Variants in RUNDC3B observed in about 807,000 individuals in gnomAD.
RUNDC3B encodes RUN domain containing 3B, also known as RUN domain-containing protein 3B.
A neutral mutation model predicts 58.4 loss-of-function variants in RUNDC3B; 33 were observed. That is an observed-to-expected ratio of 0.56 (90% confidence interval 0.43 to 0.75). The LOEUF (loss-of-function observed/expected upper bound fraction) is 0.75, where lower values mean the gene tolerates loss of function less well. Ranked by LOEUF, RUNDC3B falls within the 30% of genes least tolerant of loss-of-function variation. The pLI, the probability that RUNDC3B is intolerant of heterozygous loss-of-function variation, is 0.00. For missense variants in RUNDC3B, 501 were observed against 535.7 expected, an observed-to-expected ratio of 0.94 and a Z score of 0.64; for synonymous variants, 193 against 195.2, an observed-to-expected ratio of 0.99 and a Z score of 0.10.
intron 8 of RUNDC3B, among the ~76,000 whole-genome samples, chr7:87,803,444 C>T (rs73706927): frequency 0.015 from 2,260 of 152,188 alleles, 64 homozygotes; most frequent in African/African-American, 0.051. Flanking sequence ...CTGACACATA[C>T]GTCAACATAA....
intron 6 of RUNDC3B, among the ~76,000 whole-genome samples, chr7:87,750,254 A>G (rs1584096307): frequency 6.6e-6 from 1 of 152,178 alleles, no homozygotes; most frequent in East Asian, 1.9e-4. Flanking sequence ...TATATGTGCC[A>G]CATTTTCTTA....
chr7:87,829,870 A>G lies in RUNDC3B; in HGVS notation c.1226-15A>G. Reference sequence around the variant, plus strand: ...AAGGGCAATTAATTATTTGCTATTTAATTCTAATTTTCAGGTAAGGAAGAT... The same window carrying G: ...AAGGGCAATTAATTATTTGCTATTTGATTCTAATTTTCAGGTAAGGAAGAT... On this transcript the variant is annotated splice_polypyrimidine_tract_variant and intron_variant, in intron 10 of 10. Transcript: ENST00000394654. 1 of 1,567,846 alleles carries G rather than the reference A, an allele frequency of 6.4e-7. No individual in the cohort carries two copies. Among genetic ancestry groups the G allele is most frequent in the Non-Finnish European group, 8.7e-7 (1 of 1,150,448 alleles).
intron 2 of RUNDC3B, among the ~76,000 whole-genome samples, chr7:87,690,720 G>GT (rs1396770988): frequency 1.3e-4 from 20 of 152,208 alleles, no homozygotes; most frequent in African/African-American, 4.8e-4. Flanking sequence ...AACAGTATTA[G>GT]TAATAGAATA....
At chr7:87,707,516 A>T (rs1585160457) in intron 3 of RUNDC3B, among the ~76,000 whole-genome samples, 1 of 152,010 alleles carries the variant, frequency 6.6e-6, no homozygotes, top group African/African-American at 2.4e-5. Flanking sequence ...TCCACAAAAA[A>T]TACAAAAATT....
chr7:87,740,903 T>C (rs931224747), intron 5 of RUNDC3B, among the ~76,000 whole-genome samples: 22 of 152,116 alleles, frequency 1.4e-4, no homozygotes, highest in Admixed American at 1.2e-3. Flanking sequence ...TTTGTTGTTT[T>C]ATTGTTTTAA....
intron 2 of RUNDC3B, among the ~76,000 whole-genome samples, chr7:87,678,976 G>A (rs560003163): frequency 2.6e-5 from 4 of 151,802 alleles, no homozygotes; most frequent in Admixed American, 6.6e-5. Context: ...ATTATACTTA[G>A]CAATGTCAAC....
chr7:87,726,069 T>G (rs1010208585), intron 4 of RUNDC3B, among the ~76,000 whole-genome samples: 3 of 101,090 alleles, frequency 3.0e-5, no homozygotes, highest in Non-Finnish European at 5.9e-5. Flanking sequence ...ATAGTTTCTT[T>G]TGCTGTGCAG....
intron 2 of RUNDC3B, among the ~76,000 whole-genome samples, chr7:87,699,302 G>GTCATA (rs1228145573): frequency 6.6e-6 from 1 of 152,144 alleles, no homozygotes; most frequent in Non-Finnish European, 1.5e-5. Flanking sequence ...GGGAAGACTA[G>GTCATA]TCATACTAGA....
chr7:87,780,346 G>T (rs1469932089), intron 8 of RUNDC3B, among the ~76,000 whole-genome samples: 1 of 151,954 alleles, frequency 6.6e-6, no homozygotes, highest in Non-Finnish European at 1.5e-5. Context: ...GTTTTGATTT[G>T]CATTTGTCTA....
intron 2 of RUNDC3B, among the ~76,000 whole-genome samples, chr7:87,673,649 T>C (rs1826048429): frequency 6.6e-6 from 1 of 152,252 alleles, no homozygotes; most frequent in South Asian, 2.1e-4. Context: ...GATTGAGCTT[T>C]GACATTCTGT....
At chr7:87,787,524 C>T (rs7793933) in intron 8 of RUNDC3B, among the ~76,000 whole-genome samples, 97,072 of 151,994 alleles carry the variant, frequency 0.64, 33,362 homozygotes, top group African/African-American at 0.91. Context: ...ACTATTAAAA[C>T]GCTTTTTGAT....
chr7:87,628,594 T>C lies in RUNDC3B; in HGVS notation c.-230T>C, dbSNP rs1396430607. The C allele has an allele frequency of 0.037, 5,410 of 148,164 alleles. 51 individuals are homozygous for C. The highest frequency in any genetic ancestry group is 0.068 in the Middle Eastern group (30 of 438). The allele number at this position is 148,164 out of a possible 1,614,324, so 9.2% of individuals were successfully genotyped here. On this transcript the variant is annotated 5_prime_UTR_variant, in exon 1 of 11. Transcript: ENST00000394654. ...GGTGGTGCGTGCGTGCGTGTGTGTG[T>C]GTGTGTGTGTGTGTGTGTGTGTGTG...
At chr7:87,815,145 T>C (rs1472666414) in intron 9 of RUNDC3B, among the ~76,000 whole-genome samples, 1 of 152,106 alleles carries the variant, frequency 6.6e-6, no homozygotes, top group Non-Finnish European at 1.5e-5. Context: ...AGACTACATA[T>C]AAGCATTCAA....
chr7:87,691,744 G>A (rs1368045209), intron 2 of RUNDC3B, among the ~76,000 whole-genome samples: 1 of 151,984 alleles, frequency 6.6e-6, no homozygotes, highest in Non-Finnish European at 1.5e-5. Flanking sequence ...TTCTTTCTGG[G>A]GTTGTCAGTG....
At chr7:87,703,389 G>C (rs2130708027) in intron 3 of RUNDC3B, among the ~76,000 whole-genome samples, 1 of 152,192 alleles carries the variant, frequency 6.6e-6, no homozygotes, top group Middle Eastern at 3.4e-3. Flanking sequence ...GACATAATTA[G>C]AAACACAGGT....
intron 1 of RUNDC3B, among the ~76,000 whole-genome samples, chr7:87,645,568 T>C (rs1271391908): frequency 6.6e-6 from 1 of 152,220 alleles, no homozygotes; most frequent in Non-Finnish European, 1.5e-5. Context: ...TTTGATATTT[T>C]TAGACATTCA....
At chr7:87,736,968 G>A (rs1011452352) in intron 4 of RUNDC3B, among the ~76,000 whole-genome samples, 3 of 132,086 alleles carry the variant, frequency 2.3e-5, no homozygotes, top group Non-Finnish European at 3.1e-5. Flanking sequence ...GACCATCTCA[G>A]CTCACTTCAA....
intron 8 of RUNDC3B, among the ~76,000 whole-genome samples, chr7:87,789,064 G>C (rs889312112): frequency 6.6e-6 from 1 of 152,156 alleles, no homozygotes. Context: ...TCAACATCTA[G>C]AGGTACAGAC....
Position 87,829,950 on chromosome 7 carries a change from T to C in RUNDC3B, c.1291T>C (p.Ser431Pro). The C allele has an allele frequency of 2.5e-6, 4 of 1,609,230 alleles. No individual in the cohort carries two copies. The highest frequency in any genetic ancestry group is 3.4e-6 in the Non-Finnish European group (4 of 1,176,824). Residue 431 changes from serine to proline, a missense_variant, in exon 11 of 11, where the codon TCT becomes CCT. Physicochemically the swap from Ser to Pro is moderately conservative, Grantham distance 74. Transcript: ENST00000394654. ...TCTAACGTCAGTGGCAAGTTACAAGTCTCTAACAAGCTTAAAATCTAATGA... is the reference window on the plus strand; with the variant it reads ...TCTAACGTCAGTGGCAAGTTACAAGCCTCTAACAAGCTTAAAATCTAATGA... ...GSLTSVASYK[S>P]LTSLKSNDYL... is the part of the protein sequence containing the mutation.
Sources: allele counts gnomAD v4.1 joint callset (sites outside exome capture counted in the v4.1 genomes callset), GRCh38; gene constraint gnomAD v4.1.1; transcripts MANE v1.5; gene names NCBI Gene and HGNC (gene_info 2026-07-23, HGNC 2026-07-21).